The following KLHL1 variants were observed in gnomAD, a reference collection of about 807,000 sequenced individuals.
KLHL1 encodes the protein kelch like family member 1, also known as kelch-like protein 1.
Under a neutral mutation model 77.7 loss-of-function variants are expected in KLHL1, and 47 were observed. That is an observed-to-expected ratio of 0.60 (90% CI 0.48 to 0.77). The LOEUF (loss-of-function observed/expected upper bound fraction) is 0.77. KLHL1 is among the 30% of genes least tolerant of loss of function. The pLI is 0.00. For missense variants in KLHL1, 925 were observed against 910.8 expected, an observed-to-expected ratio of 1.02 and a Z score of -0.20; for synonymous variants, 360 against 325.2, an observed-to-expected ratio of 1.11 and a Z score of -1.15.
intron 1 of KLHL1, among the ~76,000 whole-genome samples, chr13:70,005,915 T>C (rs1885394716): frequency 6.6e-6 from 1 of 152,054 alleles, no homozygotes; most frequent in African/African-American, 2.4e-5. Flanking sequence ...GTGCTCATTA[T>C]TGTATTAACT....
rs1470152007 is a variant in KLHL1 at position 69,756,085 on chromosome 13, C to G, written c.1640-15529G>C. On this transcript the variant is annotated intron_variant, in intron 7 of 10. Transcript: ENST00000377844. ...CAGATCTGGATGATTTCCATCCCTT[C>G]ACTTCAAAAGGAACCTGAGCCACAT... Among the ~76,000 whole-genome samples, 5 of 152,100 alleles carry G rather than the reference C, an allele frequency of 3.3e-5. No homozygotes were observed. In the East Asian group the frequency reaches 9.7e-4, roughly 29 times the overall value.
chr13:69,740,236 TAG>T (rs1432618351), intron 8 of KLHL1, among the ~76,000 whole-genome samples, 156 bp downstream of exon 8: 1 of 152,198 alleles, frequency 6.6e-6, no homozygotes, highest in Non-Finnish European at 1.5e-5. Context: ...CCGTTGTCTA[TAG>T]AGAGAGCACC....
intron 7 of KLHL1, among the ~76,000 whole-genome samples, chr13:69,776,530 A>T (rs941417663): frequency 6.6e-6 from 1 of 152,160 alleles, no homozygotes; most frequent in Admixed American, 6.5e-5. Context: ...ATTCTAAATT[A>T]TATTTTTGTT....
At chr13:70,015,574 C>T (rs908007290) in intron 1 of KLHL1, among the ~76,000 whole-genome samples, 3 of 151,958 alleles carry the variant, frequency 2.0e-5, no homozygotes, top group South Asian at 2.1e-4. Context: ...ATGACTCTTC[C>T]GTTTTTCATT....
intron 9 of KLHL1, among the ~76,000 whole-genome samples, chr13:69,718,982 T>C (rs1323333254): frequency 1.3e-5 from 2 of 152,062 alleles, no homozygotes; most frequent in African/African-American, 4.8e-5. Context: ...AAGCAAAATA[T>C]CCAATATTTT....
intron 1 of KLHL1, among the ~76,000 whole-genome samples, chr13:70,096,823 G>A (rs181498868): frequency 6.6e-6 from 1 of 151,884 alleles, no homozygotes; most frequent in East Asian, 1.9e-4. Flanking sequence ...ACCTCCTATT[G>A]CAGGGAAAGC....
In KLHL1 at chr13:69,940,553, C is replaced by T. The variant is rs552093454; in HGVS notation, c.818-317G>A. 1.6e-3 allele frequency among the ~76,000 whole-genome samples: 248 copies of T among 151,908 alleles called. 1 individual carries two copies. Among genetic ancestry groups the T allele is most frequent in the African/African-American group, 5.8e-3 (242 of 41,466 alleles). ...AGAAAAATAAGGTTCAGAATATATGCCTACAAACTTAGGAGAGCAGAGATT... is the reference window on the plus strand; with the variant it reads ...AGAAAAATAAGGTTCAGAATATATGTCTACAAACTTAGGAGAGCAGAGATT... On this transcript the variant is annotated intron_variant, in intron 3 of 10. Coordinates refer to ENST00000377844, the MANE Select transcript of KLHL1 (RefSeq NM_020866.3).
At chr13:69,903,936 G>A (rs1035502802) in intron 4 of KLHL1, among the ~76,000 whole-genome samples, 11 of 151,412 alleles carry the variant, frequency 7.3e-5, no homozygotes, top group Non-Finnish European at 1.5e-4. Context: ...CACCGCGCCC[G>A]GCCCTCACAT....
At chr13:69,853,680 G>A (rs56752911) in intron 5 of KLHL1, among the ~76,000 whole-genome samples, 2 of 152,106 alleles carry the variant, frequency 1.3e-5, no homozygotes, top group East Asian at 3.9e-4. Flanking sequence ...AATACAGTAA[G>A]TTTCTTATCA....
intron 1 of KLHL1, among the ~76,000 whole-genome samples, chr13:70,010,417 A>G (rs1222244491): frequency 6.6e-6 from 1 of 152,158 alleles, no homozygotes; most frequent in Non-Finnish European, 1.5e-5. Context: ...TACTGCTGAG[A>G]GAGTGTGGTT....
intron 1 of KLHL1, among the ~76,000 whole-genome samples, chr13:70,094,949 C>T (rs1423234959): frequency 6.6e-6 from 1 of 152,030 alleles, no homozygotes; most frequent in Non-Finnish European, 1.5e-5. Flanking sequence ...GAATAAATAC[C>T]AATGGCTATC....
intron 1 of KLHL1, among the ~76,000 whole-genome samples, chr13:70,012,901 T>TA (rs5804457): frequency 0.13 from 19,622 of 150,206 alleles, 2,353 homozygotes; most frequent in African/African-American, 0.32. Flanking sequence ...AGATTCTGTA[T>TA]AAAAAAAATA....
intron 1 of KLHL1, among the ~76,000 whole-genome samples, chr13:70,087,164 G>A (rs1338780742): frequency 6.6e-6 from 1 of 152,158 alleles, no homozygotes; most frequent in Non-Finnish European, 1.5e-5. Context: ...ACTGGTAACT[G>A]ACCAGCTCTT....
intron 4 of KLHL1, among the ~76,000 whole-genome samples, chr13:69,895,713 CTTT>C (rs11459436): frequency 7.1e-6 from 1 of 140,782 alleles, no homozygotes; most frequent in African/African-American, 2.6e-5. Flanking sequence ...TTCTTTTTTC[CTTT>C]TTTTTTTTTT....
chr13:69,905,926 T>G (rs1360137775), intron 4 of KLHL1, among the ~76,000 whole-genome samples: 1 of 152,034 alleles, frequency 6.6e-6, no homozygotes, highest in African/African-American at 2.4e-5. Flanking sequence ...CATGAGAGAT[T>G]CTTTGTAAAT....
chr13:69,965,162 C>T lies in KLHL1; in HGVS notation c.681-3718G>A, dbSNP rs182218001. Among the ~76,000 whole-genome samples the T allele has an allele frequency of 3.0e-3, 459 of 152,320 alleles. 1 individual carries two copies. Among genetic ancestry groups the T allele is most frequent in the African/African-American group, 0.011 (443 of 41,576 alleles). The stretch of plus-strand genomic sequence containing the variant: ...GCATGCCTTATTTTATTGCATTTCA[C>T]TTTACTGTGCTTTGCAGATACTGCA... On this transcript the variant is annotated intron_variant, in intron 2 of 10. Transcript: ENST00000377844.
chr13:69,952,397 A>G (rs1883737117), intron 3 of KLHL1, among the ~76,000 whole-genome samples: 4 of 151,392 alleles, frequency 2.6e-5, no homozygotes, highest in Non-Finnish European at 5.9e-5. Context: ...ACCAGTCTTT[A>G]GAATTTCTTT....
chr13:69,872,659 GCCT>G (rs1269376496), intron 5 of KLHL1, among the ~76,000 whole-genome samples: 1 of 152,122 alleles, frequency 6.6e-6, no homozygotes, highest in Non-Finnish European at 1.5e-5. Flanking sequence ...ACTCCCAGTG[GCCT>G]CCTTACTTGT....
rs145834254 is a variant in KLHL1, at chr13:70,107,186, G to T, written c.497+17C>A. On this transcript the variant is annotated intron_variant, in intron 1 of 10. Transcript: ENST00000377844. ...AAATTGAGAGATGCTTGGAAGCCCC[G>T]TGGGGACTTACTGTACCTGTGTCCA... The T allele has an allele frequency of 7.0e-6, 11 of 1,573,760 alleles. No individual in the cohort carries two copies. In the East Asian group the frequency reaches 1.8e-4, roughly 26 times the overall value.
Sources: allele counts gnomAD v4.1 joint callset (sites outside exome capture counted in the v4.1 genomes callset), GRCh38; gene constraint gnomAD v4.1.1; transcripts MANE v1.5; gene names NCBI Gene and HGNC (gene_info 2026-07-23, HGNC 2026-07-21).